Variants in TEAD1 observed in about 807,000 individuals in gnomAD.
TEAD1 encodes transcriptional enhancer factor TEF-1.
In TEAD1, 9 loss-of-function variants were observed where a neutral mutation model predicts 54.9. The ratio of observed to expected loss-of-function variants is 0.16; its 90% CI spans 0.10 to 0.29. The LOEUF is 0.29. TEAD1 is among the 10% of genes least tolerant of loss of function. TEAD1 has a pLI of 1.00. For missense variants in TEAD1, 387 were observed against 535.9 expected, an observed-to-expected ratio of 0.72 and a Z score of 2.74; for synonymous variants, 200 against 187.8, an observed-to-expected ratio of 1.07 and a Z score of -0.53.
chr11:12,777,583 C>T (rs982646267), intron 3 of TEAD1, among the ~76,000 whole-genome samples: 1 of 152,142 alleles, frequency 6.6e-6, no homozygotes, highest in African/African-American at 2.4e-5. Context: ...ATAAAGTAGC[C>T]ACAGCCTTAA....
At chr11:12,920,864 G>A (rs373424746) in intron 10 of TEAD1, among the ~76,000 whole-genome samples, 8 of 152,178 alleles carry the variant, frequency 5.3e-5, no homozygotes, top group Non-Finnish European at 8.8e-5. Flanking sequence ...TCAGTAGAGC[G>A]TGTATTAAAT....
At chr11:12,767,113 T>C (rs1253582893) in intron 3 of TEAD1, among the ~76,000 whole-genome samples, 1 of 152,166 alleles carries the variant, frequency 6.6e-6, no homozygotes, top group Non-Finnish European at 1.5e-5. Flanking sequence ...GAGCTGCCTC[T>C]GACCTGCCTG....
chr11:12,815,631 A>G (rs549428227), intron 3 of TEAD1, among the ~76,000 whole-genome samples: 1 of 152,352 alleles, frequency 6.6e-6, no homozygotes, highest in Non-Finnish European at 1.5e-5. Flanking sequence ...AGTAGCTTCA[A>G]TGATTGGGTG....
chr11:12,783,266 C>T lies in TEAD1; in HGVS notation c.202+18832C>T, dbSNP rs1301723352. On this transcript the variant is annotated intron_variant, in intron 3 of 12. Transcript: ENST00000527636. ...CCACAGTCAGCCCATGGCTGACCAGCTTTGATTTTTGCAGGGTGTCTTTGG... is the reference window on the plus strand; with the variant it reads ...CCACAGTCAGCCCATGGCTGACCAGTTTTGATTTTTGCAGGGTGTCTTTGG... Among the ~76,000 whole-genome samples the T allele has an allele frequency of 2.7e-5, 4 of 147,258 alleles. No individual in the cohort carries two copies. The East Asian group carries it at 8.0e-4, about 29-fold the overall frequency.
intron 2 of TEAD1, among the ~76,000 whole-genome samples, chr11:12,709,587 C>T (rs536556097): frequency 2.0e-5 from 3 of 152,136 alleles, no homozygotes; most frequent in East Asian, 1.9e-4. Flanking sequence ...ATGGTGTGAT[C>T]GTAGCCCACT....
intron 2 of TEAD1, among the ~76,000 whole-genome samples, chr11:12,721,251 C>T (rs147086625): frequency 4.6e-5 from 7 of 152,164 alleles, no homozygotes; most frequent in African/African-American, 1.4e-4. Context: ...TCCCTTCTTG[C>T]GTTCTTGTTC....
At chr11:12,879,988 T>A in intron 6 of TEAD1, 146 bp downstream of exon 6, 1 of 1,255,216 alleles carries the variant, frequency 8.0e-7, no homozygotes, top group Non-Finnish European at 1.1e-6. Context: ...TAACTGAGTC[T>A]AAAGTGGTGA....
At chr11:12,687,863 TGA>T (rs933866745) in intron 2 of TEAD1, among the ~76,000 whole-genome samples, 11 of 152,180 alleles carry the variant, frequency 7.2e-5, no homozygotes, top group African/African-American at 2.2e-4. Flanking sequence ...TACTCACCGT[TGA>T]GAGAGAGGGG....
chr11:12,853,835 G>A (rs1445228427), intron 3 of TEAD1, among the ~76,000 whole-genome samples: 1 of 152,178 alleles, frequency 6.6e-6, no homozygotes, highest in Non-Finnish European at 1.5e-5. Context: ...CTGAGAAGGT[G>A]GGACTTGAGT....
At chr11:12,712,987 A>G (rs1820733951) in intron 2 of TEAD1, among the ~76,000 whole-genome samples, 1 of 152,158 alleles carries the variant, frequency 6.6e-6, no homozygotes, top group African/African-American at 2.4e-5. Flanking sequence ...GGTACTTCTC[A>G]GGTGAACACG....
At chr11:12,811,862 G>A (rs867521557) in intron 3 of TEAD1, among the ~76,000 whole-genome samples, 2 of 132,636 alleles carry the variant, frequency 1.5e-5, no homozygotes, top group South Asian at 2.6e-4. Flanking sequence ...GGGTGGGGGT[G>A]GGGGTAGGGT....
intron 3 of TEAD1, among the ~76,000 whole-genome samples, chr11:12,813,181 A>G (rs928797198): frequency 6.6e-6 from 1 of 152,136 alleles, no homozygotes; most frequent in Non-Finnish European, 1.5e-5. Flanking sequence ...GCAGTGGGCA[A>G]ACTGGGGGCT....
rs1376453390 is a variant in TEAD1 at position 12,918,522 on chromosome 11, T to G, written c.874-6390T>G. Among the ~76,000 whole-genome samples the G allele has an allele frequency of 3.9e-5, 6 of 152,262 alleles. No homozygotes were observed. In the East Asian group the frequency reaches 9.6e-4, roughly 24 times the overall value. On this transcript the variant is annotated intron_variant, in intron 10 of 12. Transcript: ENST00000527636. ...GTTAGTTGGGAAGCCTTTTAAAATC[T>G]AATCTCTTAAATTTACACTAATAAT...
chr11:12,865,066 C>T (rs1314272885), intron 5 of TEAD1, 166 bp downstream of exon 5: 4 of 797,740 alleles, frequency 5.0e-6, no homozygotes, highest in Non-Finnish European at 8.5e-6. Context: ...CTGTACTAGC[C>T]TCACATTAAA....
intron 9 of TEAD1, among the ~76,000 whole-genome samples, chr11:12,894,429 A>T (rs1948266513): frequency 6.6e-6 from 1 of 152,024 alleles, no homozygotes; most frequent in Non-Finnish European, 1.5e-5. Context: ...CAGTCCTTTT[A>T]AAAAAAAGAG....
Position 12,881,104 on chromosome 11 carries a change from G to T in TEAD1, c.512+53G>T, listed in dbSNP as rs372327845. 7 of 1,584,522 alleles carry T rather than the reference G, an allele frequency of 4.4e-6. No individual in the cohort carries two copies. In the Admixed American group the frequency reaches 8.3e-5, roughly 19 times the overall value. ...CAACTACGGGCTGGTCCCAGCCCAC[G>T]TGGGGAGAGCTCTTCCTGGACCATA... On this transcript the variant is annotated intron_variant, in intron 7 of 12. Transcript: ENST00000527636.
At chr11:12,676,878 C>G (rs189142846) in intron 2 of TEAD1, among the ~76,000 whole-genome samples, 1 of 152,130 alleles carries the variant, frequency 6.6e-6, no homozygotes, top group Non-Finnish European at 1.5e-5. Context: ...TAAGCTATAT[C>G]CATTACGGGT....
chr11:12,707,733 G>A (rs1393471147), intron 2 of TEAD1, among the ~76,000 whole-genome samples: 1 of 152,134 alleles, frequency 6.6e-6, no homozygotes, highest in Non-Finnish European at 1.5e-5. Flanking sequence ...TCTTTTTTTG[G>A]AAGGTCAGTA....
intron 2 of TEAD1, among the ~76,000 whole-genome samples, chr11:12,756,959 T>G (rs1312852185): frequency 2.0e-5 from 3 of 152,192 alleles, no homozygotes; most frequent in Non-Finnish European, 4.4e-5. Context: ...CCCCCCAGTC[T>G]TTTTGTTGGA....
Sources: allele counts gnomAD v4.1 joint callset (sites outside exome capture counted in the v4.1 genomes callset), GRCh38; gene constraint gnomAD v4.1.1; transcripts MANE v1.5; gene names NCBI Gene and HGNC (gene_info 2026-07-23, HGNC 2026-07-21).